CSMD1: variants seen among roughly 807,000 people sequenced by gnomAD.
The protein encoded by CSMD1 is CUB and sushi domain-containing protein 1.
A neutral mutation model predicts 417.5 loss-of-function variants in CSMD1; 213 were observed. The ratio of observed to expected loss-of-function variants is 0.51; its 90% CI spans 0.46 to 0.57. The LOEUF (loss-of-function observed/expected upper bound fraction) is 0.57, where lower values mean the gene tolerates loss of function less well. Among genes scored for constraint, CSMD1 ranks in the 20% least tolerant of loss-of-function variants. CSMD1 has a pLI of 0.00. For synonymous variants in CSMD1, 2,862 were observed against 1,736.8 expected, an observed-to-expected ratio of 1.65 and a Z score of -16.11; for missense variants, 6,923 against 4,529.7, an observed-to-expected ratio of 1.53 and a Z score of -15.17.
chr8:4,825,955 G>C (rs1339180084), intron 1 of CSMD1, among the ~76,000 whole-genome samples: 3 of 150,698 alleles, frequency 2.0e-5, no homozygotes, highest in Non-Finnish European at 4.5e-5. Context: ...TTACATCTTT[G>C]AGGATGACTA....
At position 3,106,682 on chromosome 8, in the gene CSMD1, C is replaced by A. The variant is rs748733462; in HGVS notation, c.6836-41G>T. 3.9e-6 allele frequency: 5 copies of A among 1,272,228 alleles called. No homozygotes were observed. The African/African-American group carries it at 4.4e-5, about 11-fold the overall frequency. 78.8% of individuals were successfully genotyped at this position (1,272,228 alleles called of 1,614,324 possible). A position where few individuals can be genotyped will look rare whatever the true frequency, so the allele number is the denominator to read the frequency against. ...CAACAAACCAGGAAATTGTGTGTGACCTTCTGAGTGTGTGAAGGTGTGACA... is the reference window on the plus strand; with the variant it reads ...CAACAAACCAGGAAATTGTGTGTGAACTTCTGAGTGTGTGAAGGTGTGACA... On this transcript the variant is annotated intron_variant, in intron 45 of 69. Transcript: ENST00000635120.
At chr8:4,833,743 G>C (rs546096253) in intron 1 of CSMD1, among the ~76,000 whole-genome samples, 2 of 152,270 alleles carry the variant, frequency 1.3e-5, no homozygotes, top group East Asian at 3.9e-4. Context: ...AGAAACTCCT[G>C]ATTTACATTG....
At chr8:4,286,143 G>C (rs951921284) in intron 3 of CSMD1, among the ~76,000 whole-genome samples, 1 of 151,838 alleles carries the variant, frequency 6.6e-6, no homozygotes, top group Admixed American at 6.6e-5. Flanking sequence ...ACGTTTTTAC[G>C]TTCTTTCTGG....
chr8:4,062,452 G>C (rs990164562), intron 3 of CSMD1, among the ~76,000 whole-genome samples: 2 of 152,026 alleles, frequency 1.3e-5, no homozygotes, highest in East Asian at 3.9e-4. Context: ...TCAGATATCT[G>C]ACACAATGTC....
At chr8:3,500,620 T>C (rs1796560627) in intron 10 of CSMD1, among the ~76,000 whole-genome samples, 1 of 152,146 alleles carries the variant, frequency 6.6e-6, no homozygotes, top group Non-Finnish European at 1.5e-5. Context: ...AAGAATATGG[T>C]GTTTTGTGAA....
chr8:4,434,737 T>TA (rs1474195732), intron 2 of CSMD1, among the ~76,000 whole-genome samples: 1 of 152,116 alleles, frequency 6.6e-6, no homozygotes, highest in Non-Finnish European at 1.5e-5. Context: ...TCCGGTGATT[T>TA]TGGGACTTAG....
chr8:4,111,817 G>A (rs1053126405), intron 3 of CSMD1, among the ~76,000 whole-genome samples: 1 of 152,206 alleles, frequency 6.6e-6, no homozygotes, highest in African/African-American at 2.4e-5. Context: ...TAATACATAT[G>A]GGGCTTGAAT....
chr8:3,722,490 C>T (rs1010066520), intron 6 of CSMD1, among the ~76,000 whole-genome samples: 19 of 152,158 alleles, frequency 1.2e-4, no homozygotes, highest in Non-Finnish European at 2.4e-4. Flanking sequence ...ACCATTCTCT[C>T]CTGAAAAGCA....
At chr8:4,424,874 T>G (rs1389442760) in intron 2 of CSMD1, among the ~76,000 whole-genome samples, 1 of 152,106 alleles carries the variant, frequency 6.6e-6, no homozygotes, top group Non-Finnish European at 1.5e-5. Context: ...TATAATTTCT[T>G]TTAACTACAT....
At chr8:3,657,577 C>T (rs1018948334) in intron 7 of CSMD1, among the ~76,000 whole-genome samples, 11 of 152,078 alleles carry the variant, frequency 7.2e-5, no homozygotes, top group Non-Finnish European at 1.2e-4. Flanking sequence ...CCATCATTCT[C>T]AGCAAACTAA....
chr8:2,978,823 C>T (rs1805158984), intron 54 of CSMD1, 23 bp from the exon 55 acceptor site: 3 of 1,566,898 alleles, frequency 1.9e-6, no homozygotes, highest in Non-Finnish European at 1.7e-6. Context: ...ACATTTCACA[C>T]ACCATTTAGA....
chr8:3,293,416 A>T (rs989348811), intron 25 of CSMD1, among the ~76,000 whole-genome samples: 2 of 152,234 alleles, frequency 1.3e-5, no homozygotes, highest in Non-Finnish European at 2.9e-5. Context: ...TATCCTGCAG[A>T]GTGTTTTCCA....
intron 7 of CSMD1, among the ~76,000 whole-genome samples, chr8:3,681,430 C>T (rs1019339782): frequency 7.2e-5 from 11 of 152,054 alleles, no homozygotes; most frequent in African/African-American, 2.7e-4. Context: ...GAGTGAACTC[C>T]CATTGACAAT....
intron 2 of CSMD1, among the ~76,000 whole-genome samples, chr8:4,486,385 C>G (rs979941837): frequency 1.3e-5 from 2 of 150,512 alleles, no homozygotes; most frequent in African/African-American, 4.9e-5. Context: ...ATCTCCTTCT[C>G]ATTTTTACTT....
chr8:3,469,700 C>T (rs1414104786), intron 11 of CSMD1, among the ~76,000 whole-genome samples: 1 of 152,100 alleles, frequency 6.6e-6, no homozygotes, highest in Non-Finnish European at 1.5e-5. Flanking sequence ...ATGATTTGCC[C>T]CATCAATCAT....
intron 1 of CSMD1, among the ~76,000 whole-genome samples, chr8:4,664,924 G>A (rs567185014): frequency 2.0e-5 from 3 of 152,182 alleles, no homozygotes; most frequent in East Asian, 1.9e-4. Flanking sequence ...ACTTGCATTA[G>A]GAATGTGTTT....
chr8:3,629,433 A>C (rs67470626), intron 7 of CSMD1, among the ~76,000 whole-genome samples: 27,909 of 152,186 alleles, frequency 0.18, 2,740 homozygotes, highest in Admixed American at 0.22. Context: ...TCTCCCTTAA[A>C]ATATCAACCA....
rs139938176 is a variant in CSMD1, at chr8:3,368,285, G to A, written c.2899+969C>T. Among the ~76,000 whole-genome samples the A allele has an allele frequency of 3.0e-3, 461 of 152,232 alleles. 3 individuals are homozygous for A. The highest frequency in any genetic ancestry group is 0.01 in the African/African-American group (432 of 41,520). On this transcript the variant is annotated intron_variant, in intron 19 of 69. Transcript: ENST00000635120. Reference sequence around the variant, plus strand: ...TATTAAGTCGGGTTCAAATCTATGTGAAAAGACGAAGTCTACATAATACTT... The same window carrying A: ...TATTAAGTCGGGTTCAAATCTATGTAAAAAGACGAAGTCTACATAATACTT...
intron 3 of CSMD1, among the ~76,000 whole-genome samples, chr8:4,293,429 G>T (rs941973819): frequency 6.6e-6 from 1 of 152,054 alleles, no homozygotes; most frequent in South Asian, 2.1e-4. Flanking sequence ...GCTAAAAAGT[G>T]TTTTAAAAAA....
Sources: gnomAD v4.1 joint callset for allele counts (sites outside exome capture counted in the v4.1 genomes callset) on GRCh38, gnomAD v4.1.1 for gene constraint, MANE v1.5 for transcripts, NCBI Gene and HGNC (gene_info 2026-07-23, HGNC 2026-07-21) for gene names.